Variants in CFAP97D2 observed in about 807,000 individuals in gnomAD.
CFAP97D2 encodes CFAP97 domain containing 2.
rs1414298643 is a variant in CFAP97D2, at chr13:114,198,645, G to A, written c.172-1680G>A. On this transcript the variant is annotated intron_variant, in intron 2 of 4. Coordinates refer to ENST00000646158, the Ensembl canonical transcript of CFAP97D2. ...GGTCCCCGCTGAGGGGTGACGGCGC[G>A]TCCCCGTGTTTACGGTCCCCGCTGA... Among the ~76,000 whole-genome samples the A allele has an allele frequency of 2.0e-5, 3 of 148,044 alleles. 1 individual carries two copies. Among genetic ancestry groups the A allele is most frequent in the Non-Finnish European group, 3.0e-5 (2 of 66,734 alleles).
intron 3 of CFAP97D2, among the ~76,000 whole-genome samples, chr13:114,208,218 A>G (rs2080950119): frequency 6.6e-6 from 1 of 152,262 alleles, no homozygotes; most frequent in African/African-American, 2.4e-5. Context: ...GAGTTAATAC[A>G]TGCAAATGCT....
chr13:114,216,925 T>C (rs2080996323), intron 4 of CFAP97D2, among the ~76,000 whole-genome samples: 1 of 152,232 alleles, frequency 6.6e-6, no homozygotes, highest in Non-Finnish European at 1.5e-5. Flanking sequence ...AAAGTGTTCC[T>C]ATTTCTCCAC....
At chr13:114,212,621 G>T (rs763739065) in intron 4 of CFAP97D2, among the ~76,000 whole-genome samples, 1 of 152,098 alleles carries the variant, frequency 6.6e-6, no homozygotes, top group Non-Finnish European at 1.5e-5. Flanking sequence ...AGGCCAAGGC[G>T]GGTGGATAAC....
intron 4 of CFAP97D2, among the ~76,000 whole-genome samples, chr13:114,221,228 C>T (rs1166440153): frequency 6.6e-6 from 1 of 152,230 alleles, no homozygotes; most frequent in Non-Finnish European, 1.5e-5. Flanking sequence ...GCTTAGGCGA[C>T]AGAGCGAGAC....
At chr13:114,190,364 T>C (rs2138755375) in intron 1 of CFAP97D2, among the ~76,000 whole-genome samples, 1 of 152,116 alleles carries the variant, frequency 6.6e-6, no homozygotes, top group South Asian at 2.1e-4. Flanking sequence ...AAAGCTGTCT[T>C]TGATGGCAGA....
intron 1 of CFAP97D2, among the ~76,000 whole-genome samples, chr13:114,195,523 C>G (rs1365203726): frequency 6.6e-6 from 1 of 152,090 alleles, no homozygotes; most frequent in East Asian, 1.9e-4. Context: ...GAGCAGGTCC[C>G]GTAGTTAACT....
chr13:114,195,057 A>G (rs2080880927), intron 1 of CFAP97D2, among the ~76,000 whole-genome samples: 1 of 151,938 alleles, frequency 6.6e-6, no homozygotes, highest in African/African-American at 2.4e-5. Context: ...CCCCCGCCCC[A>G]CACATGTACA....
chr13:114,216,202 C>T (rs575537736), intron 4 of CFAP97D2, among the ~76,000 whole-genome samples: 87 of 152,346 alleles, frequency 5.7e-4, no homozygotes, highest in African/African-American at 1.9e-3. Context: ...TGCGACACTC[C>T]TTCTCCAGGG....
chr13:114,200,846 G>A (rs140668825), intron 3 of CFAP97D2, among the ~76,000 whole-genome samples: 2 of 152,330 alleles, frequency 1.3e-5, no homozygotes, highest in Non-Finnish European at 2.9e-5. Flanking sequence ...CGGCGGCGGA[G>A]GAACACAGGC....
chr13:114,182,596 AGG>A (rs1291672982), intron 1 of CFAP97D2, among the ~76,000 whole-genome samples: 10 of 149,732 alleles, frequency 6.7e-5, no homozygotes, highest in South Asian at 4.2e-4. Context: ...TCAAGGGCAG[AGG>A]TCCCTGCGGC....
At chr13:114,192,116 C>T (rs1211975896) in intron 1 of CFAP97D2, among the ~76,000 whole-genome samples, 1 of 151,970 alleles carries the variant, frequency 6.6e-6, no homozygotes, top group Non-Finnish European at 1.5e-5. Flanking sequence ...ATTTTTAGGG[C>T]CATGAAAATA....
At chr13:114,212,299 C>T (rs2138783413) in intron 4 of CFAP97D2, 3 of 387,292 alleles carry the variant, frequency 7.7e-6, no homozygotes, top group Middle Eastern at 6.5e-4. Flanking sequence ...GATGACCTCA[C>T]CCACCACGCA....
intron 2 of CFAP97D2, among the ~76,000 whole-genome samples, chr13:114,198,731 GTGTACAGTCCC>G (rs2080900493): frequency 1.3e-5 from 1 of 78,354 alleles, no homozygotes; most frequent in Non-Finnish European, 2.2e-5. Context: ...GCGTCCCCGT[GTGTACAGTCCC>G]CGCTGAGGGG....
At chr13:114,221,140 A>C (rs143366893) in intron 4 of CFAP97D2, among the ~76,000 whole-genome samples, 137 of 152,324 alleles carry the variant, frequency 9.0e-4, no homozygotes, top group African/African-American at 3.1e-3. Flanking sequence ...CCAGCTACTC[A>C]GGAGGCTGAG....
chr13:114,208,042 T>G (rs900338232), intron 3 of CFAP97D2, among the ~76,000 whole-genome samples: 3 of 152,218 alleles, frequency 2.0e-5, no homozygotes, highest in Admixed American at 1.3e-4. Context: ...AGGCTCTTGG[T>G]GGGACCTCAG....
chr13:114,222,987 T>C (rs1473337119), downstream of CFAP97D2: 1 of 155,700 alleles, frequency 6.4e-6, no homozygotes. The surrounding 1 kb of genome is among the most constrained non-coding windows in gnomAD (Gnocchi z 4.4). Flanking sequence ...TGTCTATAAT[T>C]CCTAGGTGGA....
In CFAP97D2 at chr13:114,211,829, G is replaced by T; in HGVS notation, c.291-83G>T. The T allele has an allele frequency of 2.5e-6, 1 of 398,028 alleles. No individual in the cohort carries two copies. The highest frequency in any genetic ancestry group is 4.4e-6 in the Non-Finnish European group (1 of 226,070). The allele number at this position is 398,028 out of a possible 1,614,324, so 24.7% of individuals were successfully genotyped here. A position where few individuals can be genotyped will look rare whatever the true frequency, so the allele number is the denominator to read the frequency against. ...ACCCTCCACCCCGGGACCCCTTCCT[G>T]CTCTGGAGCCTGTTGGCCCTGTGGA... On this transcript the variant is annotated intron_variant, in intron 3 of 4. Transcript: ENST00000646158. The surrounding 1 kb of genome is among the most constrained non-coding windows in gnomAD (Gnocchi z 4.2).
chr13:114,189,900 G>T lies in CFAP97D2; in HGVS notation c.91-6496G>T, dbSNP rs1270939183. Reference sequence around the variant, plus strand: ...GCTCGCCCTGTAATCAGAACACTTTGGGTGGCTGAAGAGGGAGGATCACTT... The same window carrying T: ...GCTCGCCCTGTAATCAGAACACTTTTGGTGGCTGAAGAGGGAGGATCACTT... On this transcript the variant is annotated intron_variant, in intron 1 of 4. Transcript: ENST00000646158. This position sits in a 1 kb window ranked among gnomAD's most constrained non-coding sequence, Gnocchi z 4.5. Among the ~76,000 whole-genome samples the T allele has an allele frequency of 3.9e-5, 6 of 152,134 alleles. No homozygotes were observed. In the East Asian group the frequency reaches 1.2e-3, roughly 29 times the overall value.
At chr13:114,188,997 CA>C (rs1371203992) in intron 1 of CFAP97D2, among the ~76,000 whole-genome samples, 1 of 149,074 alleles carries the variant, frequency 6.7e-6, no homozygotes, top group African/African-American at 2.5e-5. Flanking sequence ...AAGGAGGAGG[CA>C]AATTACTAAT....
Sources: gnomAD v4.1 joint callset for allele counts (sites outside exome capture counted in the v4.1 genomes callset) on GRCh38, gnomAD v4.1.1 for gene constraint, Gnocchi (gnomAD v3.1) non-coding constraint, MANE v1.5 for transcripts, NCBI Gene and HGNC (gene_info 2026-07-23, HGNC 2026-07-21) for gene names.